The following CLEC4M variants were observed in gnomAD, a reference collection of about 807,000 sequenced individuals.
CLEC4M encodes C-type lectin domain family 4 member M, also known as CD209 antigen-like protein 1.
A neutral mutation model predicts 39.1 loss-of-function variants in CLEC4M; 25 were observed. The ratio of observed to expected loss-of-function variants is 0.64; its 90% CI spans 0.47 to 0.89. The LOEUF (loss-of-function observed/expected upper bound fraction) is 0.89. CLEC4M is among the 40% of genes least tolerant of loss of function. CLEC4M has a pLI of 0.00. For missense variants in CLEC4M, 353 were observed against 431.4 expected, an observed-to-expected ratio of 0.82 and a Z score of 1.61; for synonymous variants, 155 against 177.4, an observed-to-expected ratio of 0.87 and a Z score of 1.00.
rs755540909 is a variant in CLEC4M, at chr19:7,767,641, A to G, written c.1049+13A>G. The G allele has an allele frequency of 7.5e-6, 12 of 1,605,004 alleles. No individual in the cohort carries two copies. The highest frequency in any genetic ancestry group is 3.4e-6 in the Non-Finnish European group (4 of 1,171,834). ...CTCTGTCACCCAGGTAGATTCTGGG[A>G]GAAAGGGACACTGTATCCAGTCGGG... On this transcript the variant is annotated intron_variant, in intron 6 of 6. Coordinates refer to ENST00000327325, the MANE Select transcript of CLEC4M (RefSeq NM_014257.5).
At chr19:7,763,349 G>A in intron 1 of CLEC4M, 37 bp downstream of exon 1, 1 of 1,612,574 alleles carries the variant, frequency 6.2e-7, no homozygotes, top group Non-Finnish European at 8.5e-7. Context: ...CCTGGGTAAG[G>A]GGAAGGGATG....
At position 7,769,171 on chromosome 19, in the gene CLEC4M, GGT is replaced by G; in HGVS notation, c.*186_*187del. 1 of 571,320 alleles carries G rather than the reference GGT, an allele frequency of 1.8e-6. No homozygotes were observed. The highest frequency in any genetic ancestry group is 3.0e-6 in the Non-Finnish European group (1 of 328,510). 35.4% of individuals were successfully genotyped at this position (571,320 alleles called of 1,614,324 possible). A position where few individuals can be genotyped will look rare whatever the true frequency, so the allele number is the denominator to read the frequency against. ...CCTTCTGATGCCTCCAAGTTTCCCTGGTGTAGAGCTTGTGTTCTTGGCCCATC... is the reference window on the plus strand; with the variant it reads ...CCTTCTGATGCCTCCAAGTTTCCCTGGTAGAGCTTGTGTTCTTGGCCCATC... On this transcript the variant is annotated 3_prime_UTR_variant, in exon 7 of 7. Coordinates refer to ENST00000327325, the MANE Select transcript of CLEC4M (RefSeq NM_014257.5).
chr19:7,766,398 C>A (rs563342312), intron 4 of CLEC4M, 191 bp downstream of exon 4: 15 of 1,459,978 alleles, frequency 1.0e-5, no homozygotes, highest in Non-Finnish European at 1.3e-5. Context: ...TCAACCAATC[C>A]GCTGCCTTCT....
intron 5 of CLEC4M, chr19:7,767,269 G>T: frequency 2.0e-6 from 1 of 498,950 alleles, no homozygotes; most frequent in Non-Finnish European, 3.6e-6. Flanking sequence ...ATGCAAAATA[G>T]ATAAACATGC....
In CLEC4M at chr19:7,769,009, G is replaced by A. The variant is rs141058077; in HGVS notation, c.*21G>A. ...AATAGTTGTTTCCCTGCTAGCCTCA[G>A]CCTCCATTGTGGTATAGCAGAACTT... On this transcript the variant is annotated 3_prime_UTR_variant, in exon 7 of 7. Coordinates refer to ENST00000327325, the MANE Select transcript of CLEC4M (RefSeq NM_014257.5). The A allele has an allele frequency of 2.7e-4, 432 of 1,611,952 alleles. 2 individuals carry two copies. The African/African-American group carries it at 5.1e-3, about 19-fold the overall frequency.
In CLEC4M at chr19:7,767,594, T is replaced by C. The variant is rs888752292; in HGVS notation, c.1015T>C (p.Trp339Arg). Residue 339 changes from tryptophan (W) to arginine (R), a missense_variant, in exon 6 of 7, where the codon TGG (tryptophan) becomes CGG (arginine). Trp to Arg is a moderately radical substitution (Grantham distance 101). This residue lies in a region of CLEC4M where 196 missense variants were observed against 211.7 expected (regional missense o/e 0.93). Coordinates refer to ENST00000327325, the MANE Select transcript of CLEC4M (RefSeq NM_014257.5). ...GLSDLNQEGT[W>R]QWVDGSPLSP... ...TTCAGACCTAAATCAGGAAGGCACGTGGCAATGGGTGGACGGCTCACCTCT... is the reference window on the plus strand; with the variant it reads ...TTCAGACCTAAATCAGGAAGGCACGCGGCAATGGGTGGACGGCTCACCTCT... 2.3e-5 allele frequency: 37 copies of C among 1,614,040 alleles called. No homozygotes were observed. The highest frequency in any genetic ancestry group is 2.9e-5 in the Non-Finnish European group (34 of 1,179,996).
In CLEC4M at chr19:7,766,050, G is replaced by A. The variant is rs59003279; in HGVS notation, c.627G>A (p.Thr209=). Residue 209 remains threonine, a synonymous_variant, in exon 4 of 7, where the codon ACG becomes ACA. Coordinates refer to ENST00000327325, the MANE Select transcript of CLEC4M (RefSeq NM_014257.5). The part of the protein sequence containing the change: ...SKLQEIYQEL[T]ELKAAVGELP... ...TGCAGGAGATCTACCAGGAGCTGAC[G>A]GAGCTGAAGGCTGCAGTGGGTGAGT... 15 of 1,141,710 alleles carry A rather than the reference G, an allele frequency of 1.3e-5. 3 individuals carry two copies. The highest frequency in any genetic ancestry group is 1.3e-4 in the African/African-American group (6 of 45,714). The allele number at this position is 1,141,710 out of a possible 1,614,324, so 70.7% of individuals were successfully genotyped here.
rs2034198334 is a variant in CLEC4M at position 7,765,219 on chromosome 19, C to T, written c.165C>T (p.Leu55=). The T allele has an allele frequency of 6.2e-7, 1 of 1,614,120 alleles. No homozygotes were observed. Among genetic ancestry groups the T allele is most frequent in the East Asian group, 2.2e-5 (1 of 44,878 alleles). Residue 55 remains leucine, a synonymous_variant, in exon 3 of 7, where the codon CTC becomes CTT. Coordinates refer to ENST00000327325, the MANE Select transcript of CLEC4M (RefSeq NM_014257.5). ...CLGHGALVLQ[L]LSFMLLAGVL... ...GCCATGGCGCCCTGGTGCTGCAACT[C>T]CTCTCCTTCATGCTCTTGGCTGGGG...
Position 7,766,673 on chromosome 19 carries a change from T to C in CLEC4M, c.802T>C (p.Cys268Arg). The C allele has an allele frequency of 7.4e-6, 12 of 1,614,244 alleles. No individual in the cohort carries two copies. The highest frequency in any genetic ancestry group is 1.1e-5 in the South Asian group (1 of 91,092). Residue 268 changes from cysteine (C) to arginine (R), a missense_variant, in exon 5 of 7, where the codon TGT becomes CGT. By Grantham distance (180) the Cys-to-Arg change is radical. Around this residue, in one of 4 missense-constraint regions of CLEC4M, gnomAD observed 196 missense variants for 211.7 expected, o/e 0.93. Transcript: ENST00000327325. ...CCCAACAGAACGCCTGTGCCGCCACTGTCCCAAGGACTGGACATTCTTCCA... is the reference window on the plus strand; with the variant it reads ...CCCAACAGAACGCCTGTGCCGCCACCGTCCCAAGGACTGGACATTCTTCCA... ...KTAFERLCRHCPKDWTFFQGN... is the reference protein window; with the variant it reads ...KTAFERLCRHRPKDWTFFQGN...
At chr19:7,766,407 C>A in intron 4 of CLEC4M, 200 bp downstream of exon 4, 2 of 1,454,994 alleles carry the variant, frequency 1.4e-6, no homozygotes, top group Admixed American at 2.7e-5. Flanking sequence ...CCGCTGCCTT[C>A]TGTTCTGAGC....
At position 7,765,213 on chromosome 19, in the gene CLEC4M, G is replaced by A. The variant is rs768828883; in HGVS notation, c.159G>A (p.Leu53=). The change falls in exon 3 of 7, where the codon CTG becomes CTA. Residue 53 remains leucine, a synonymous_variant. Coordinates refer to ENST00000327325, the MANE Select transcript of CLEC4M (RefSeq NM_014257.5). ...GTCTTGGCCATGGCGCCCTGGTGCT[G>A]CAACTCCTCTCCTTCATGCTCTTGG... The part of the protein sequence containing the change: ...TGCLGHGALV[L]QLLSFMLLAG... The A allele has an allele frequency of 1.1e-5, 18 of 1,614,036 alleles. No individual in the cohort carries two copies. The highest frequency in any genetic ancestry group is 3.3e-5 in the South Asian group (3 of 91,086).
intron 2 of CLEC4M, among the ~76,000 whole-genome samples, chr19:7,764,795 A>C (rs2034174640): frequency 6.6e-6 from 1 of 152,180 alleles, no homozygotes; most frequent in African/African-American, 2.4e-5. Context: ...CTGGCCAAAA[A>C]GGCAGTTAAT....
chr19:7,764,092 A>G (rs944866968), intron 2 of CLEC4M, among the ~76,000 whole-genome samples: 4 of 151,986 alleles, frequency 2.6e-5, no homozygotes, highest in African/African-American at 9.7e-5. Flanking sequence ...CACAGAGATC[A>G]AGGGGTTGAG....
At position 7,768,753 on chromosome 19, in the gene CLEC4M, G is replaced by A. The variant is rs983572813; in HGVS notation, c.1050-85G>A. The A allele has an allele frequency of 8.7e-6, 13 of 1,498,420 alleles. No homozygotes were observed. The Admixed American group carries it at 1.8e-4, about 21-fold the overall frequency. The allele number at this position is 1,498,420 out of a possible 1,614,324, so 92.8% of individuals were successfully genotyped here. ...TCCAGCATACACATGTAGGGCAGAT[G>A]TTAAAGCATCAATATTACAGAAGGT... On this transcript the variant is annotated intron_variant, in intron 6 of 6. Transcript: ENST00000327325.
rs1407244378 is a variant in CLEC4M at position 7,766,218 on chromosome 19, G to A, written c.784+11G>A. 1.9e-6 allele frequency: 3 copies of A among 1,613,746 alleles called. No individual in the cohort carries two copies. Among genetic ancestry groups the A allele is most frequent in the South Asian group, 1.1e-5 (1 of 91,090 alleles). Reference sequence around the variant, plus strand: ...TGAAGACTGCATTTGGTGAGTTCCTGCACATCAAGGGTCCTTGGGCCTGAG... The same window carrying A: ...TGAAGACTGCATTTGGTGAGTTCCTACACATCAAGGGTCCTTGGGCCTGAG... On this transcript the variant is annotated intron_variant, in intron 4 of 6. Coordinates refer to ENST00000327325, the MANE Select transcript of CLEC4M (RefSeq NM_014257.5).
intron 6 of CLEC4M, 35 bp downstream of exon 6, chr19:7,767,663 C>T (rs1320348358): frequency 1.3e-5 from 20 of 1,582,544 alleles, no homozygotes; most frequent in Non-Finnish European, 1.5e-5. Context: ...TGTATCCAGT[C>T]GGGCTGGGTT....
Position 7,765,646 on chromosome 19 carries a change from G to T in CLEC4M, c.223G>T (p.Val75Phe), listed in dbSNP as rs547730391. ...TTTTCTTCTTGGCCCAGTGTCCAAG[G>T]TCCCCAGCTCCCTAAGTCAGGAACA... ...LVAILVQVSK[V>F]PSSLSQEQSE... The change falls in exon 4 of 7, where the codon GTC becomes TTC. Residue 75 changes from valine (V) to phenylalanine (F), a missense_variant. By Grantham distance (50) the Val-to-Phe change is conservative. Around this residue, in one of 4 missense-constraint regions of CLEC4M, gnomAD observed 48 missense variants for 64.8 expected, o/e 0.74. Coordinates refer to ENST00000327325, the MANE Select transcript of CLEC4M (RefSeq NM_014257.5). The T allele has an allele frequency of 7.9e-5, 127 of 1,614,190 alleles. No individual in the cohort carries two copies. The East Asian group carries it at 2.8e-3, about 35-fold the overall frequency.
Position 7,769,100 on chromosome 19 carries a change from T to C in CLEC4M, c.*112T>C. 1 of 1,105,176 alleles carries C rather than the reference T, an allele frequency of 9.0e-7. No homozygotes were observed. The highest frequency in any genetic ancestry group is 1.3e-6 in the Non-Finnish European group (1 of 774,226). The allele number at this position is 1,105,176 out of a possible 1,614,324, so 68.5% of individuals were successfully genotyped here. Reference sequence around the variant, plus strand: ...ACCTTCACAAATGCCCTGAGACGGTTCTCTGTTCGATTTTTCATCCCCTAT... The same window carrying C: ...ACCTTCACAAATGCCCTGAGACGGTCCTCTGTTCGATTTTTCATCCCCTAT... On this transcript the variant is annotated 3_prime_UTR_variant, in exon 7 of 7. Transcript: ENST00000327325.
At chr19:7,766,937 G>A in intron 5 of CLEC4M, 130 bp downstream of exon 5, 1 of 1,479,566 alleles carries the variant, frequency 6.8e-7, no homozygotes, top group African/African-American at 1.4e-5. Flanking sequence ...AGAAGGATAT[G>A]AATGAAGGGG....
Sources: gnomAD v4.1 joint callset for allele counts (sites outside exome capture counted in the v4.1 genomes callset) on GRCh38, gnomAD v4.1.1 for gene constraint, gnomAD v4.1.1 regional missense constraint, MANE v1.5 for transcripts, NCBI Gene and HGNC (gene_info 2026-07-23, HGNC 2026-07-21) for gene names.